SHTN1: variants seen among roughly 807,000 people sequenced by gnomAD.
SHTN1 encodes shootin 1, also known as shootin-1.
SHTN1 carries 42 observed loss-of-function variants against 83.1 expected under a neutral mutation model. That is an observed-to-expected ratio of 0.51 (90% CI 0.39 to 0.65). The LOEUF is 0.65. SHTN1 is among the 30% of genes least tolerant of loss of function. The pLI is 0.00. For synonymous variants in SHTN1, 224 were observed against 247.7 expected (o/e 0.90, Z 0.90); for missense variants, 622 against 737.8 (o/e 0.84, Z 1.82).
At chr10:117,117,560 C>T (rs1379012562) in intron 1 of SHTN1, among the ~76,000 whole-genome samples, 1 of 152,108 alleles carries the variant, frequency 6.6e-6, no homozygotes, top group African/African-American at 2.4e-5. Context: ...TTATATGGAA[C>T]CACAAAAGAT....
intron 1 of SHTN1, among the ~76,000 whole-genome samples, chr10:117,110,384 G>A (rs1589936495): frequency 6.6e-6 from 1 of 152,016 alleles, no homozygotes; most frequent in Non-Finnish European, 1.5e-5. Flanking sequence ...ACGGAGTCTC[G>A]CTCTGTTGCC....
Position 117,002,328 on chromosome 10 carries a change from CCCTAGTG to C in SHTN1, c.58+2687_58+2693del, listed in dbSNP as rs1435080334. Among the ~76,000 whole-genome samples, 4 of 152,112 alleles carry C rather than the reference CCCTAGTG, an allele frequency of 2.6e-5. No homozygotes were observed. In the East Asian group the frequency reaches 7.7e-4, roughly 29 times the overall value. ...GGACTGTGTAGTTCACTATTTACAC[CCCTAGTG>C]CCTACCACATGGACCTGACATATGG... is the stretch of plus-strand genomic sequence containing the variant. On this transcript the variant is annotated intron_variant, in intron 1 of 16. Transcript: ENST00000355371.
intron 2 of SHTN1, among the ~76,000 whole-genome samples, chr10:117,041,275 T>C (rs1328287086): frequency 6.6e-6 from 1 of 152,180 alleles, no homozygotes; most frequent in Non-Finnish European, 1.5e-5. Flanking sequence ...ATTTTCCCAA[T>C]CTAAGTATAT....
At chr10:117,000,951 T>C (rs1405684951) in intron 1 of SHTN1, among the ~76,000 whole-genome samples, 3 of 152,206 alleles carry the variant, frequency 2.0e-5, no homozygotes, top group African/African-American at 4.8e-5. Context: ...ATTCAATGCA[T>C]GTGGGCTGAA....
At chr10:116,917,516 T>G (rs778546624) in intron 12 of SHTN1, among the ~76,000 whole-genome samples, 4 of 152,108 alleles carry the variant, frequency 2.6e-5, no homozygotes, top group Non-Finnish European at 2.9e-5. Flanking sequence ...AGAAAATACA[T>G]TTTTAAAACA....
chr10:116,916,836 C>T (rs372369872), intron 12 of SHTN1, among the ~76,000 whole-genome samples: 10 of 152,236 alleles, frequency 6.6e-5, no homozygotes, highest in Middle Eastern at 3.4e-3. Flanking sequence ...TTTCTGATAC[C>T]GTCCTAACTT....
intron 3 of SHTN1, among the ~76,000 whole-genome samples, chr10:116,968,055 G>A (rs755012214): frequency 5.3e-5 from 8 of 152,084 alleles, no homozygotes; most frequent in East Asian, 1.9e-4. Context: ...GGTGGTGTGC[G>A]CTTGTAGTTC....
intron 1 of SHTN1, among the ~76,000 whole-genome samples, chr10:117,061,630 C>T (rs771420948): frequency 2.0e-5 from 3 of 151,820 alleles, no homozygotes; most frequent in South Asian, 2.1e-4. Flanking sequence ...CCACCATGCA[C>T]GGCCAATTTT....
At chr10:117,043,377 T>C (rs1852614395) in intron 2 of SHTN1, among the ~76,000 whole-genome samples, 1 of 152,120 alleles carries the variant, frequency 6.6e-6, no homozygotes, top group Non-Finnish European at 1.5e-5. Context: ...TGGGTACAGA[T>C]ATGTTAGTTT....
intron 6 of SHTN1, 142 bp from the exon 7 acceptor site, chr10:116,949,139 T>A: frequency 4.6e-6 from 4 of 878,128 alleles, no homozygotes; most frequent in Non-Finnish European, 6.4e-6. Context: ...GTGTTAGGAC[T>A]TTTTATTAAA....
intron 16 of SHTN1, among the ~76,000 whole-genome samples, chr10:116,897,294 G>T (rs189903143): frequency 6.6e-6 from 1 of 152,272 alleles, no homozygotes; most frequent in African/African-American, 2.4e-5. Flanking sequence ...TTCTGGGTTT[G>T]TGTTTTTCTA....
At chr10:116,901,199 C>T (rs1452494716) in intron 16 of SHTN1, 2 of 985,270 alleles carry the variant, frequency 2.0e-6, no homozygotes, top group African/African-American at 1.7e-5. Flanking sequence ...TGATCCTCCA[C>T]TAGATCTGTC....
At chr10:116,927,992 T>C in intron 10 of SHTN1, 101 bp from the exon 11 acceptor site, 2 of 1,402,380 alleles carry the variant, frequency 1.4e-6, no homozygotes, top group Non-Finnish European at 2.0e-6. Flanking sequence ...AAGTAAGTTC[T>C]TTTTATTAAG....
intron 11 of SHTN1, among the ~76,000 whole-genome samples, chr10:116,925,513 T>C (rs1178384383): frequency 6.6e-6 from 1 of 152,232 alleles, no homozygotes; most frequent in Non-Finnish European, 1.5e-5. Flanking sequence ...GGTGTCCAAG[T>C]TGCCAACTCA....
chr10:116,923,512 A>T (rs1848634715), intron 11 of SHTN1, among the ~76,000 whole-genome samples: 1 of 152,130 alleles, frequency 6.6e-6, no homozygotes, highest in African/African-American at 2.4e-5. Flanking sequence ...GGATATACAG[A>T]GTAACACCTG....
At chr10:117,091,291 T>G (rs1008955130) in intron 1 of SHTN1, among the ~76,000 whole-genome samples, 1 of 152,198 alleles carries the variant, frequency 6.6e-6, no homozygotes, top group African/African-American at 2.4e-5. Flanking sequence ...CTGAAATATC[T>G]CAGATGAGGT....
At position 116,954,186 on chromosome 10, in the gene SHTN1, T is replaced by C; in HGVS notation, c.292A>G (p.Lys98Glu). The change falls in exon 5 of 17, where the codon AAA becomes GAA. Residue 98 changes from lysine to glutamate, a missense_variant. This residue lies in a region of SHTN1 where 383 missense variants were observed against 455.8 expected (regional missense o/e 0.84). Transcript: ENST00000355371. ...GCCATGTACAACATGCTGATTCTTT[T>C]CAACGTTTTATTTTCTTTATTTAGC... ...TKLNKENKTL[K>E]RISMLYMAKL... 1 of 1,608,570 alleles carries C rather than the reference T, an allele frequency of 6.2e-7. No homozygotes were observed. The highest frequency in any genetic ancestry group is 1.1e-5 in the South Asian group (1 of 89,600).
At chr10:117,092,890 T>C (rs1401642149) in intron 1 of SHTN1, among the ~76,000 whole-genome samples, 1 of 152,168 alleles carries the variant, frequency 6.6e-6, no homozygotes, top group Non-Finnish European at 1.5e-5. Flanking sequence ...AAGAAATGCC[T>C]GGTTGAGGGA....
chr10:117,072,021 C>A (rs917014005), intron 1 of SHTN1, among the ~76,000 whole-genome samples: 1 of 152,174 alleles, frequency 6.6e-6, no homozygotes, highest in Non-Finnish European at 1.5e-5. Context: ...TTGTTCCTGA[C>A]AGGAAATTTG....
Sources: gnomAD v4.1 joint callset for allele counts (sites outside exome capture counted in the v4.1 genomes callset) on GRCh38, gnomAD v4.1.1 for gene constraint, gnomAD v4.1.1 regional missense constraint, MANE v1.5 for transcripts, NCBI Gene and HGNC (gene_info 2026-07-23, HGNC 2026-07-21) for gene names.